PKNOX2: variants seen among roughly 807,000 people sequenced by gnomAD.
PKNOX2 encodes the protein PBX/knotted 1 homeobox 2.
PKNOX2 carries 14 observed loss-of-function variants against 53.1 expected under a neutral mutation model. The ratio of observed to expected loss-of-function variants is 0.26; its 90% CI spans 0.17 to 0.41. The LOEUF (loss-of-function observed/expected upper bound fraction) is 0.41. Among genes scored for constraint, PKNOX2 ranks in the 10% least tolerant of loss-of-function variants. The probability of loss-of-function intolerance (pLI) is 1.00; values close to 1 mark genes in which losing one functional copy is unlikely to be tolerated. For synonymous variants in PKNOX2, 257 were observed against 242.8 expected (o/e 1.06, Z -0.54); for missense variants, 496 against 602.8 (o/e 0.82, Z 1.85).
chr11:125,189,411 ATATGTGTGTG>A (rs1255394469), intron 1 of PKNOX2, among the ~76,000 whole-genome samples: 716 of 51,786 alleles, frequency 0.014, 7 homozygotes, highest in East Asian at 0.054. Flanking sequence ...GTGTATATAT[ATATGTGTGTG>A]TGTGTGTGTG....
chr11:125,358,098 C>T (rs1951717292), intron 4 of PKNOX2, among the ~76,000 whole-genome samples: 1 of 152,172 alleles, frequency 6.6e-6, no homozygotes, highest in African/African-American at 2.4e-5. Flanking sequence ...CAGTGGTGTT[C>T]CTCAGCCCCT....
chr11:125,197,605 T>C (rs1937880818), intron 1 of PKNOX2, among the ~76,000 whole-genome samples: 1 of 152,124 alleles, frequency 6.6e-6, no homozygotes, highest in Admixed American at 6.5e-5. Context: ...GGGGACCCCG[T>C]AACAACACAG....
intron 2 of PKNOX2, among the ~76,000 whole-genome samples, chr11:125,316,209 C>T (rs562453901): frequency 3.3e-5 from 5 of 152,310 alleles, no homozygotes; most frequent in African/African-American, 7.2e-5. Flanking sequence ...CTTTAGTGGT[C>T]GTCCATCCAC....
At chr11:125,188,890 C>T (rs146562273) in intron 1 of PKNOX2, among the ~76,000 whole-genome samples, 169 of 151,802 alleles carry the variant, frequency 1.1e-3, no homozygotes, top group Non-Finnish European at 2.2e-3. Context: ...GAGCATGAGC[C>T]GGGAACATAG....
intron 6 of PKNOX2, among the ~76,000 whole-genome samples, chr11:125,393,988 G>A (rs899152727): frequency 3.3e-5 from 5 of 151,946 alleles, no homozygotes; most frequent in African/African-American, 4.8e-5. Context: ...GCAAGGAAAC[G>A]TAATATTTTT....
At chr11:125,221,847 T>G (rs1048701799) in intron 1 of PKNOX2, among the ~76,000 whole-genome samples, 1 of 152,110 alleles carries the variant, frequency 6.6e-6, no homozygotes, top group African/African-American at 2.4e-5. Context: ...TCATAAAAAC[T>G]TCCTGTCCCC....
intron 2 of PKNOX2, among the ~76,000 whole-genome samples, chr11:125,305,794 C>T (rs78481882): frequency 1.3e-5 from 2 of 152,142 alleles, no homozygotes; most frequent in African/African-American, 4.8e-5. Context: ...AATTGGATCC[C>T]AGGGCAGGTA....
At chr11:125,348,019 G>A (rs775080724) in intron 3 of PKNOX2, among the ~76,000 whole-genome samples, 13 of 152,120 alleles carry the variant, frequency 8.5e-5, no homozygotes, top group Non-Finnish European at 1.6e-4. Flanking sequence ...TCTGAAGCCC[G>A]GGGCTAGGTT....
chr11:125,252,717 C>T (rs987919320), intron 2 of PKNOX2, among the ~76,000 whole-genome samples: 15 of 152,096 alleles, frequency 9.9e-5, no homozygotes, highest in Non-Finnish European at 2.1e-4. Flanking sequence ...CCCCGGGCTG[C>T]GAGATGACCA....
At chr11:125,202,356 A>G (rs1296424817) in intron 1 of PKNOX2, among the ~76,000 whole-genome samples, 1 of 152,062 alleles carries the variant, frequency 6.6e-6, no homozygotes, top group Non-Finnish European at 1.5e-5. Flanking sequence ...TCCTGGGGGA[A>G]TGTTAATGCT....
intron 3 of PKNOX2, among the ~76,000 whole-genome samples, chr11:125,338,609 T>C: frequency 6.6e-6 from 1 of 152,166 alleles, no homozygotes; most frequent in East Asian, 1.9e-4. Context: ...GATCTGGAAG[T>C]AGAGACACTT....
intron 1 of PKNOX2, among the ~76,000 whole-genome samples, chr11:125,173,243 G>T (rs1257956828): frequency 6.6e-6 from 1 of 152,202 alleles, no homozygotes; most frequent in Non-Finnish European, 1.5e-5. Context: ...TCCTAATAAA[G>T]CTCATTCTCA....
intron 2 of PKNOX2, among the ~76,000 whole-genome samples, chr11:125,309,836 C>T (rs1291543106): frequency 6.6e-6 from 1 of 152,224 alleles, no homozygotes; most frequent in Non-Finnish European, 1.5e-5. Flanking sequence ...GATCAGCACA[C>T]CTTCCATAGT....
At chr11:125,204,471 C>A (rs376424715) in intron 1 of PKNOX2, among the ~76,000 whole-genome samples, 3 of 152,106 alleles carry the variant, frequency 2.0e-5, no homozygotes, top group Non-Finnish European at 4.4e-5. Flanking sequence ...GTGCTGTGCT[C>A]GCTCAGTAAA....
chr11:125,189,444 T>TAC (rs1385944530), intron 1 of PKNOX2, among the ~76,000 whole-genome samples: 1 of 75,936 alleles, frequency 1.3e-5, no homozygotes, highest in Non-Finnish European at 2.4e-5. Context: ...TGTGTGTGTG[T>TAC]GTGTATATAT....
At chr11:125,189,547 T>C (rs1395969181) in intron 1 of PKNOX2, among the ~76,000 whole-genome samples, 2 of 142,802 alleles carry the variant, frequency 1.4e-5, no homozygotes, top group Non-Finnish European at 3.0e-5. Flanking sequence ...TCAGTCGTCT[T>C]TAGATTAAAC....
At chr11:125,217,040 C>CACACAG (rs1344538713) in intron 1 of PKNOX2, among the ~76,000 whole-genome samples, 5 of 151,464 alleles carry the variant, frequency 3.3e-5, no homozygotes, top group Admixed American at 2.0e-4. Context: ...CACACACAGT[C>CACACAG]TCTCTCACAC....
chr11:125,205,627 C>A (rs929959116), intron 1 of PKNOX2, among the ~76,000 whole-genome samples: 1 of 151,784 alleles, frequency 6.6e-6, no homozygotes, highest in African/African-American at 2.4e-5. Context: ...TATTCTATCT[C>A]TCTAAGTAGC....
At chr11:125,376,582 C>T (rs1307245724) in intron 5 of PKNOX2, among the ~76,000 whole-genome samples, 3 of 152,212 alleles carry the variant, frequency 2.0e-5, no homozygotes, top group African/African-American at 4.8e-5. Context: ...AAAATCTGTT[C>T]CAAGTCCCCC....
Sources: allele counts gnomAD v4.1 joint callset (sites outside exome capture counted in the v4.1 genomes callset), GRCh38; gene constraint gnomAD v4.1.1; transcripts MANE v1.5; gene names NCBI Gene and HGNC (gene_info 2026-07-23, HGNC 2026-07-21).